The following ABCC4 variants were observed in gnomAD, a reference collection of about 807,000 sequenced individuals.
ABCC4 encodes ATP binding cassette subfamily C member 4 (PEL blood group).
Under a neutral mutation model 168.5 loss-of-function variants are expected in ABCC4, and 102 were observed. The ratio of observed to expected loss-of-function variants is 0.61; its 90% CI spans 0.52 to 0.71. ABCC4 has a LOEUF of 0.71. Ranked by LOEUF, ABCC4 falls within the 30% of genes least tolerant of loss-of-function variation. ABCC4 has a pLI of 0.00. For synonymous variants in ABCC4, 617 were observed against 590.7 expected (o/e 1.04, Z -0.65); for missense variants, 1,402 against 1,605.8 (o/e 0.87, Z 2.17).
At chr13:95,048,293 T>C (rs1057135588) in intron 27 of ABCC4, among the ~76,000 whole-genome samples, 1 of 152,208 alleles carries the variant, frequency 6.6e-6, no homozygotes, top group South Asian at 2.1e-4. Context: ...ATGTATCAGG[T>C]TATTTTGAAG....
At chr13:95,181,468 C>T (rs2037888077) in intron 11 of ABCC4, among the ~76,000 whole-genome samples, 1 of 152,234 alleles carries the variant, frequency 6.6e-6, no homozygotes, top group African/African-American at 2.4e-5. Flanking sequence ...CCTGCAGTCC[C>T]CCAATCAGAA....
chr13:95,082,413 G>A (rs957618468), intron 21 of ABCC4, among the ~76,000 whole-genome samples: 5 of 152,144 alleles, frequency 3.3e-5, no homozygotes, highest in Admixed American at 2.6e-4. Flanking sequence ...CTAGGAAATT[G>A]AAGAGAGCAA....
chr13:95,187,983 T>C (rs1024745923), intron 10 of ABCC4, among the ~76,000 whole-genome samples: 5 of 152,184 alleles, frequency 3.3e-5, no homozygotes, highest in Admixed American at 2.6e-4. Flanking sequence ...TACAGGTGTA[T>C]CTTTTACTCC....
Position 95,059,316 on chromosome 13 carries a change from G to A in ABCC4, c.3366+3388C>T, listed in dbSNP as rs184482628. Among the ~76,000 whole-genome samples the A allele has an allele frequency of 4.6e-5, 7 of 152,362 alleles. No individual in the cohort carries two copies. The East Asian group carries it at 9.6e-4, about 21-fold the overall frequency. Reference sequence around the variant, plus strand: ...GATGACACAGAATTGCTGTGAGGACGAAGTGGGAGATGGCAAGGAAAGAAG... The same window carrying A: ...GATGACACAGAATTGCTGTGAGGACAAAGTGGGAGATGGCAAGGAAAGAAG... On this transcript the variant is annotated intron_variant, in intron 26 of 30. Coordinates refer to ENST00000645237, the MANE Select transcript of ABCC4 (RefSeq NM_005845.5).
chr13:95,156,819 G>C (rs548467372), intron 19 of ABCC4, among the ~76,000 whole-genome samples: 5 of 152,080 alleles, frequency 3.3e-5, no homozygotes, highest in African/African-American at 1.2e-4. Flanking sequence ...TTGGCAGGGC[G>C]CGGTAGCTCA....
At chr13:95,191,938 G>A (rs1264668795) in intron 9 of ABCC4, among the ~76,000 whole-genome samples, 3 of 152,224 alleles carry the variant, frequency 2.0e-5, no homozygotes, top group Admixed American at 2.0e-4. Flanking sequence ...AGCCAGAAGG[G>A]GGCAGCACTC....
At chr13:95,248,395 C>T (rs2040166592) in intron 1 of ABCC4, among the ~76,000 whole-genome samples, 1 of 152,102 alleles carries the variant, frequency 6.6e-6, no homozygotes, top group Non-Finnish European at 1.5e-5. Context: ...GGGACATTTA[C>T]ATAATCCAAA....
intron 19 of ABCC4, among the ~76,000 whole-genome samples, chr13:95,150,285 ACTGT>A (rs2036631730): frequency 1.3e-5 from 2 of 152,196 alleles, no homozygotes; most frequent in Non-Finnish European, 2.9e-5. Context: ...TATTTGGAAC[ACTGT>A]CTGCCTAAAG....
chr13:95,063,503 A>G (rs1050075589), intron 25 of ABCC4, among the ~76,000 whole-genome samples: 5 of 152,210 alleles, frequency 3.3e-5, no homozygotes, highest in African/African-American at 1.2e-4. Context: ...GAAGATTGCA[A>G]TGTCTTAAAA....
At chr13:95,047,801 A>G (rs1011904031) in intron 27 of ABCC4, among the ~76,000 whole-genome samples, 3 of 152,268 alleles carry the variant, frequency 2.0e-5, no homozygotes, top group Admixed American at 6.5e-5. Context: ...TTAATAATGC[A>G]GTCAGCTAGT....
intron 19 of ABCC4, among the ~76,000 whole-genome samples, chr13:95,117,734 G>C (rs1454272350): frequency 6.6e-6 from 1 of 151,038 alleles, no homozygotes; most frequent in Non-Finnish European, 1.5e-5. Flanking sequence ...CAGAAACATT[G>C]CAAGTATGGT....
intron 19 of ABCC4, among the ~76,000 whole-genome samples, chr13:95,127,568 G>A (rs2035824719): frequency 6.6e-6 from 1 of 152,118 alleles, no homozygotes; most frequent in Admixed American, 6.6e-5. Context: ...GTGAGCCACC[G>A]TGCCTGGCCT....
chr13:95,301,373 G>A lies in ABCC4; in HGVS notation c.-59C>T. On this transcript the variant is annotated 5_prime_UTR_variant, in exon 1 of 31. Coordinates refer to ENST00000645237, the MANE Select transcript of ABCC4 (RefSeq NM_005845.5). ...CGCTGATCAGGCGGCGGTGGCCGCG[G>A]GCTCCGCTCCTGGACCTCAAGCAGG... 6.8e-7 allele frequency: 1 copy of A among 1,473,246 alleles called. No individual in the cohort carries two copies. The highest frequency in any genetic ancestry group is 9.2e-7 in the Non-Finnish European group (1 of 1,092,792). 91.3% of individuals were successfully genotyped at this position (1,473,246 alleles called of 1,614,324 possible).
At chr13:95,085,026 GAGA>G (rs1265511718) in intron 20 of ABCC4, among the ~76,000 whole-genome samples, 1 of 152,212 alleles carries the variant, frequency 6.6e-6, no homozygotes, top group East Asian at 1.9e-4. Flanking sequence ...CTTGCTTCTT[GAGA>G]AGGATAGAAC....
At chr13:95,097,316 C>T (rs764570246) in intron 20 of ABCC4, among the ~76,000 whole-genome samples, 1 of 152,054 alleles carries the variant, frequency 6.6e-6, no homozygotes, top group African/African-American at 2.4e-5. Flanking sequence ...CCAACCATAT[C>T]TATAATTACA....
chr13:95,160,460 G>A lies in ABCC4; in HGVS notation c.2455+729C>T, dbSNP rs150091468. 1.5e-4 allele frequency among the ~76,000 whole-genome samples: 23 copies of A among 152,274 alleles called. No individual in the cohort carries two copies. In the East Asian group the frequency reaches 3.5e-3, roughly 23 times the overall value. On this transcript the variant is annotated intron_variant, in intron 19 of 30. Coordinates refer to ENST00000645237, the MANE Select transcript of ABCC4 (RefSeq NM_005845.5). Reference sequence around the variant, plus strand: ...CTCAGAAGCAGGACAGATAAGAAGCGCATAGTGCAGAGGCATCAACCACTT... The same window carrying A: ...CTCAGAAGCAGGACAGATAAGAAGCACATAGTGCAGAGGCATCAACCACTT...
chr13:95,252,385 T>C (rs1365302126), intron 1 of ABCC4, among the ~76,000 whole-genome samples: 1 of 152,164 alleles, frequency 6.6e-6, no homozygotes, highest in East Asian at 1.9e-4. Flanking sequence ...CATAGATATG[T>C]GTAAGTAGGG....
intron 26 of ABCC4, among the ~76,000 whole-genome samples, chr13:95,056,106 G>C (rs754650381): frequency 2.1e-4 from 32 of 152,144 alleles, no homozygotes; most frequent in Admixed American, 7.9e-4. Context: ...AACGACCTGG[G>C]ACCAAGACAA....
intron 20 of ABCC4, among the ~76,000 whole-genome samples, chr13:95,103,668 G>C (rs1019739550): frequency 1.3e-5 from 2 of 152,154 alleles, no homozygotes; most frequent in African/African-American, 4.8e-5. Flanking sequence ...GTCCTAAAGA[G>C]AAACTTGTCC....
Sources: gnomAD v4.1 joint callset for allele counts (sites outside exome capture counted in the v4.1 genomes callset) on GRCh38, gnomAD v4.1.1 for gene constraint, MANE v1.5 for transcripts, NCBI Gene and HGNC (gene_info 2026-07-23, HGNC 2026-07-21) for gene names.